The following NCAM2 variants were observed in gnomAD, a reference collection of about 807,000 sequenced individuals.
The protein encoded by NCAM2 is neural cell adhesion molecule 2.
In NCAM2, 30 loss-of-function variants were observed where a neutral mutation model predicts 98.1. That is an observed-to-expected ratio of 0.31 (90% CI 0.23 to 0.41). NCAM2 has a LOEUF of 0.41. Ranked by LOEUF, NCAM2 falls within the 10% of genes least tolerant of loss-of-function variation. NCAM2 has a pLI of 1.00. For missense variants in NCAM2, 867 were observed against 1,005.8 expected (o/e 0.86, Z 1.87); for synonymous variants, 368 against 342.4 (o/e 1.07, Z -0.83).
intron 8 of NCAM2, among the ~76,000 whole-genome samples, chr21:21,370,117 T>C (rs548185955): frequency 6.6e-6 from 1 of 151,966 alleles, no homozygotes; most frequent in African/African-American, 2.4e-5. Context: ...AGTTCCTGAC[T>C]TATCATTTTG....
chr21:21,336,353 C>CA (rs1034195930), intron 7 of NCAM2, among the ~76,000 whole-genome samples: 1 of 111,918 alleles, frequency 8.9e-6, no homozygotes, highest in Non-Finnish European at 1.7e-5. Context: ...GCTTTCACAA[C>CA]AAAAAGAGGG....
chr21:21,362,286 C>T (rs1027502453), intron 8 of NCAM2, among the ~76,000 whole-genome samples: 1 of 152,082 alleles, frequency 6.6e-6, no homozygotes, highest in African/African-American at 2.4e-5. Flanking sequence ...GTTCAAAAGC[C>T]TTTAATAGTC....
At position 20,998,658 on chromosome 21, in the gene NCAM2, C is replaced by G. The variant is rs750753606; in HGVS notation, c.55+40C>G. ...CTTTATTGCATTTACTTTCCCTCCC[C>G]CTTCCACCCGGCCAAGAGAGGCAAA... On this transcript the variant is annotated intron_variant, in intron 1 of 17. Transcript: ENST00000400546. The G allele has an allele frequency of 5.6e-6, 9 of 1,593,388 alleles. No individual in the cohort carries two copies. In the East Asian group the frequency reaches 8.9e-5, roughly 16 times the overall value.
At chr21:21,464,017 T>C (rs1049437308) in intron 12 of NCAM2, among the ~76,000 whole-genome samples, 8 of 151,932 alleles carry the variant, frequency 5.3e-5, no homozygotes, top group Non-Finnish European at 1.2e-4. Context: ...AGAATAATGA[T>C]CTCTACACTT....
intron 9 of NCAM2, among the ~76,000 whole-genome samples, chr21:21,404,304 C>A (rs1180095932): frequency 1.3e-5 from 2 of 152,096 alleles, no homozygotes; most frequent in East Asian, 1.9e-4. Flanking sequence ...CCACCCAAAT[C>A]TCATCTTGAA....
At chr21:21,411,046 A>ATATGTGTG (rs1555889830) in intron 10 of NCAM2, among the ~76,000 whole-genome samples, 1 of 48,742 alleles carries the variant, frequency 2.1e-5, no homozygotes, top group African/African-American at 7.5e-5. Flanking sequence ...ACATATATAT[A>ATATGTGTG]TGTGTGTGTA....
chr21:21,400,988 G>A (rs2076617121), intron 9 of NCAM2, among the ~76,000 whole-genome samples: 1 of 151,972 alleles, frequency 6.6e-6, no homozygotes, highest in Non-Finnish European at 1.5e-5. Flanking sequence ...AATTTATCTA[G>A]TTCAACTCCT....
intron 1 of NCAM2, among the ~76,000 whole-genome samples, chr21:21,217,611 A>G (rs1897511713): frequency 6.6e-6 from 1 of 152,128 alleles, no homozygotes; most frequent in African/African-American, 2.4e-5. Context: ...TACTGCTAGG[A>G]AGGGACTTTG....
At chr21:21,017,905 C>CAT (rs2064348036) in intron 1 of NCAM2, among the ~76,000 whole-genome samples, 2 of 151,980 alleles carry the variant, frequency 1.3e-5, no homozygotes, top group South Asian at 4.1e-4. Context: ...ACAGATATTA[C>CAT]ATATATATGC....
At chr21:21,132,798 TAATG>T (rs1272517011) in intron 1 of NCAM2, among the ~76,000 whole-genome samples, 1 of 126,352 alleles carries the variant, frequency 7.9e-6, no homozygotes, top group African/African-American at 3.4e-5. Flanking sequence ...ACTTGCAACA[TAATG>T]AATATTTTTT....
intron 12 of NCAM2, among the ~76,000 whole-genome samples, chr21:21,459,548 G>A (rs1982654370): frequency 6.8e-6 from 1 of 147,648 alleles, no homozygotes; most frequent in Non-Finnish European, 1.5e-5. Context: ...TTATATATTA[G>A]AATATAGGAT....
intron 1 of NCAM2, among the ~76,000 whole-genome samples, chr21:21,136,623 G>GGTTTTTTTTTTTTTTT (rs373375869): frequency 1.8e-5 from 1 of 55,750 alleles, no homozygotes. Flanking sequence ...CACCACGCCT[G>GGTTTTTTTTTTTTTTT]TTTTTTGTTT....
At chr21:21,417,892 T>C (rs2077025352) in intron 10 of NCAM2, among the ~76,000 whole-genome samples, 1 of 152,160 alleles carries the variant, frequency 6.6e-6, no homozygotes, top group Admixed American at 6.5e-5. Context: ...AAAGATTTCA[T>C]TAAGAATGAT....
At chr21:21,230,720 G>C (rs978999729) in intron 1 of NCAM2, among the ~76,000 whole-genome samples, 3 of 151,286 alleles carry the variant, frequency 2.0e-5, no homozygotes, top group Non-Finnish European at 4.4e-5. Context: ...AATGTTCTCA[G>C]GTGATGTTAG....
In NCAM2 at chr21:21,032,370, T is replaced by C. The variant is rs1339022973; in HGVS notation, c.55+33752T>C. Among the ~76,000 whole-genome samples, 3 of 152,226 alleles carry C rather than the reference T, an allele frequency of 2.0e-5. No homozygotes were observed. In the East Asian group the frequency reaches 5.8e-4, roughly 29 times the overall value. On this transcript the variant is annotated intron_variant, in intron 1 of 17. Coordinates refer to ENST00000400546, the MANE Select transcript of NCAM2 (RefSeq NM_004540.5). Reference sequence around the variant, plus strand: ...GGCTATTTTAAAAATTTAAACTTCATCATGAGATTTCCCTTATAATGTAGG... The same window carrying C: ...GGCTATTTTAAAAATTTAAACTTCACCATGAGATTTCCCTTATAATGTAGG...
At chr21:21,359,350 T>C (rs1322878944) in intron 8 of NCAM2, among the ~76,000 whole-genome samples, 1 of 151,950 alleles carries the variant, frequency 6.6e-6, no homozygotes, top group Non-Finnish European at 1.5e-5. Flanking sequence ...GAGAGGTGGA[T>C]TTTCAATCAT....
intron 1 of NCAM2, among the ~76,000 whole-genome samples, chr21:21,132,649 T>G (rs1277170139): frequency 6.6e-6 from 1 of 151,932 alleles, no homozygotes; most frequent in Non-Finnish European, 1.5e-5. Context: ...CTAAAGACTT[T>G]AAAGTAAAGT....
intron 1 of NCAM2, among the ~76,000 whole-genome samples, chr21:21,244,692 C>T (rs1022786222): frequency 6.6e-6 from 1 of 151,560 alleles, no homozygotes; most frequent in African/African-American, 2.4e-5. Flanking sequence ...ACTAAAAATA[C>T]AGAAATTAGC....
At chr21:21,125,296 A>C (rs1310584008) in intron 1 of NCAM2, among the ~76,000 whole-genome samples, 2 of 125,024 alleles carry the variant, frequency 1.6e-5, no homozygotes, top group African/African-American at 2.9e-5. Context: ...CTGATGTGAG[A>C]TCTAGTTCAT....
Sources: allele counts gnomAD v4.1 joint callset (sites outside exome capture counted in the v4.1 genomes callset), GRCh38; gene constraint gnomAD v4.1.1; transcripts MANE v1.5; gene names NCBI Gene and HGNC (gene_info 2026-07-23, HGNC 2026-07-21).